Variants in SPTBN5 observed in about 807,000 individuals in gnomAD.
SPTBN5 encodes the protein spectrin beta, non-erythrocytic 5.
A neutral mutation model predicts 477.6 loss-of-function variants in SPTBN5; 513 were observed. That is an observed-to-expected ratio of 1.07 (90% CI 1.00 to 1.16). The LOEUF (loss-of-function observed/expected upper bound fraction) is 1.16. SPTBN5 is among the 50% of genes most tolerant of loss of function. SPTBN5 has a pLI of 0.00. For synonymous variants in SPTBN5, 2,169 were observed against 2,011.7 expected (o/e 1.08, Z -2.09); for missense variants, 5,062 against 4,731.8 (o/e 1.07, Z -2.05).
Position 41,871,896 on chromosome 15 carries a change from G to T in SPTBN5, c.5187C>A (p.Thr1729=). Residue 1729 remains threonine (T), a synonymous_variant, in exon 28 of 68, where the codon ACC becomes ACA. Transcript: ENST00000320955. The part of the protein sequence containing the change: ...AATRDRELEG[T]LRLHEFLREA... ...CCCTCAGGAACTCATGCAGCCTCAGGGTCCCCTCCAGTTCCCGGTCCCTGT... is the reference window on the plus strand; with the variant it reads ...CCCTCAGGAACTCATGCAGCCTCAGTGTCCCCTCCAGTTCCCGGTCCCTGT... The T allele has an allele frequency of 6.3e-7, 1 of 1,583,492 alleles. No homozygotes were observed. The highest frequency in any genetic ancestry group is 8.6e-7 in the Non-Finnish European group (1 of 1,164,156).
At chr15:41,880,417 C>T (rs1198929263) in intron 13 of SPTBN5, 105 bp from the exon 14 acceptor site, 12 of 1,297,232 alleles carry the variant, frequency 9.3e-6, no homozygotes, top group Non-Finnish European at 1.0e-5. Context: ...ACCAGCAGAG[C>T]CCAGGGTCAG....
At chr15:41,862,078 G>A in intron 44 of SPTBN5, 52 bp downstream of exon 44, 2 of 1,393,458 alleles carry the variant, frequency 1.4e-6, no homozygotes, top group East Asian at 5.0e-5. Flanking sequence ...GGAAGGGGAG[G>A]GCAGGGCGGA....
At chr15:41,880,464 C>T (rs935434853) in intron 13 of SPTBN5, among the ~76,000 whole-genome samples, 152 bp from the exon 14 acceptor site, 1 of 152,188 alleles carries the variant, frequency 6.6e-6, no homozygotes. Context: ...CTGGGCCCCA[C>T]ATCCTCTCTC....
Position 41,857,437 on chromosome 15 carries a change from C to T in SPTBN5, c.8422G>A (p.Val2808Ile). Residue 2808 changes from valine to isoleucine, a missense_variant, in exon 51 of 68, where the codon GTT (valine) becomes ATT (isoleucine). Physicochemically the swap from Val to Ile is conservative, Grantham distance 29 (BLOSUM62 3). Coordinates refer to ENST00000320955, the MANE Select transcript of SPTBN5 (RefSeq NM_016642.4). ...ELENWLEPIE[V>I]ELRAPTVGQA... is the part of the protein sequence containing the mutation. ...CCCACAGTGGGGGCTCTCAGCTCAACCTCGATGGGCTCCAGCCAGTTCTCC... is the reference window on the plus strand; with the variant it reads ...CCCACAGTGGGGGCTCTCAGCTCAATCTCGATGGGCTCCAGCCAGTTCTCC... 6.2e-7 allele frequency: 1 copy of T among 1,606,198 alleles called. No homozygotes were observed. The highest frequency in any genetic ancestry group is 8.5e-7 in the Non-Finnish European group (1 of 1,176,806).
chr15:41,855,660 G>A lies in SPTBN5; in HGVS notation c.9107C>T (p.Ala3036Val), dbSNP rs769800223. ...GGTGGCCTCCAGCCGCCGCAGAAGG[G>A]CCTGTGTGGCTTCAGCACTGTGGCC... Reference protein sequence around the residue: ...DMGHSAEATQALLRRLEATKR... With the variant: ...DMGHSAEATQVLLRRLEATKR... The change falls in exon 54 of 68, where the codon GCC becomes GTC. Residue 3036 changes from alanine (A) to valine (V), a missense_variant. Coordinates refer to ENST00000320955, the MANE Select transcript of SPTBN5 (RefSeq NM_016642.4). The A allele has an allele frequency of 6.2e-7, 1 of 1,607,274 alleles. No individual in the cohort carries two copies. The highest frequency in any genetic ancestry group is 2.2e-5 in the East Asian group (1 of 44,744).
rs112544917 is a variant in SPTBN5, at chr15:41,893,254, G to A, written c.216+28C>T. ...AGAGCTGGGGGCCTGGTATGGGTGG[G>A]CTGTGGGTCACAGCTGGCTATACTC... On this transcript the variant is annotated intron_variant, in intron 2 of 67. Transcript: ENST00000320955. 3.5e-4 allele frequency: 561 copies of A among 1,613,378 alleles called. 6 individuals are homozygous for A. In the African/African-American group the frequency reaches 6.8e-3, roughly 19 times the overall value.
intron 56 of SPTBN5, among the ~76,000 whole-genome samples, chr15:41,854,565 C>G (rs1456015275): frequency 2.0e-5 from 3 of 151,898 alleles, no homozygotes; most frequent in Non-Finnish European, 4.4e-5. Context: ...CGGGTCAGCT[C>G]AGGAGGCAGC....
rs1224121729 is a variant in SPTBN5 at position 41,887,277 on chromosome 15, G to A, written c.824C>T (p.Ser275Phe). 1 of 1,551,390 alleles carries A rather than the reference G, an allele frequency of 6.4e-7. No homozygotes were observed. Among genetic ancestry groups the A allele is most frequent in the South Asian group, 1.2e-5 (1 of 84,066 alleles). The change falls in exon 6 of 68, where the codon TCC (serine) becomes TTC (phenylalanine). Residue 275 changes from serine (S) to phenylalanine (F), a missense_variant. By Grantham distance (155) the Ser-to-Phe change is radical. Transcript: ENST00000320955. ...PDERSIMTYV[S>F]LYYHYCSRLH... ...GCGGGAGCAGTAGTGGTAGTAGAGG[G>A]AGACGTAGGTCATGATAGAGCGCTC...
rs763691619 is a variant in SPTBN5, at chr15:41,855,518, C to T, written c.9218+31G>A. On this transcript the variant is annotated intron_variant, in intron 54 of 67. Coordinates refer to ENST00000320955, the MANE Select transcript of SPTBN5 (RefSeq NM_016642.4). ...CATCTCTGTAGGGGGCTTCTCTCTG[C>T]TCCTTCGCGGATGGTGTGGCTTCCG... 3.7e-6 allele frequency: 6 copies of T among 1,602,704 alleles called. No homozygotes were observed. The South Asian group carries it at 5.5e-5, about 15-fold the overall frequency.
At position 41,893,278 on chromosome 15, in the gene SPTBN5, T is replaced by G; in HGVS notation, c.216+4A>C. Reference sequence around the variant, plus strand: ...GGCTGTGGGTCACAGCTGGCTATACTCACCTGGCCGCACTGGAAGACGTTA... The same window carrying G: ...GGCTGTGGGTCACAGCTGGCTATACGCACCTGGCCGCACTGGAAGACGTTA... On this transcript the variant is annotated splice_donor_region_variant and intron_variant, in intron 2 of 67. Transcript: ENST00000320955. 1 of 1,613,902 alleles carries G rather than the reference T, an allele frequency of 6.2e-7. No individual in the cohort carries two copies. The highest frequency in any genetic ancestry group is 1.1e-5 in the South Asian group (1 of 91,080).
Position 41,886,135 on chromosome 15 carries a change from G to A in SPTBN5, c.1120C>T (p.Gln374Ter), listed in dbSNP as rs762585611. Residue 374 changes from glutamine (Q) to a stop codon, truncating the protein, a stop_gained, in exon 7 of 68, where the codon CAG becomes TAG. Transcript: ENST00000320955. LOFTEE classifies it high-confidence loss of function. Reference protein sequence around the residue: ...GAAEALLFRLQTALQAQNRRP... With the variant: ...GAAEALLFRL The stretch of plus-strand genomic sequence containing the variant: ...CGGTTCTGGGCTTGGAGTGCTGTCT[G>A]TAGCCGGAAGAGCAGGGCCTCTGCG... The A allele has an allele frequency of 2.5e-5, 40 of 1,611,458 alleles. No individual in the cohort carries two copies. The highest frequency in any genetic ancestry group is 3.1e-5 in the Non-Finnish European group (37 of 1,179,020).
intron 5 of SPTBN5, 21 bp from the exon 6 acceptor site, chr15:41,887,462 G>A (rs1198412960): frequency 6.5e-7 from 1 of 1,531,394 alleles, no homozygotes; most frequent in Non-Finnish European, 8.8e-7. Flanking sequence ...AGTGAGAAGG[G>A]CTCTTCACCA....
In SPTBN5 at chr15:41,883,221, G is replaced by A; in HGVS notation, c.1667C>T (p.Ala556Val). The A allele has an allele frequency of 6.2e-7, 1 of 1,609,424 alleles. No homozygotes were observed. The highest frequency in any genetic ancestry group is 8.5e-7 in the Non-Finnish European group (1 of 1,178,174). ...SHQLEELQEP[A>V]RSTACGQQLA... ...CTGCTGCCCACAGGCGGTGGACCTGGCCGGCTCCTGGCCAGAGATGATGGT... is the reference window on the plus strand; with the variant it reads ...CTGCTGCCCACAGGCGGTGGACCTGACCGGCTCCTGGCCAGAGATGATGGT... The change falls in exon 9 of 68, where the codon GCC becomes GTC. Residue 556 changes from alanine (A) to valine (V), a missense_variant. Ala to Val is a moderately conservative substitution (Grantham distance 64, BLOSUM62 0). Coordinates refer to ENST00000320955, the MANE Select transcript of SPTBN5 (RefSeq NM_016642.4).
At chr15:41,867,242 GGC>G in intron 35 of SPTBN5, 116 bp from the exon 36 acceptor site, 1 of 1,215,094 alleles carries the variant, frequency 8.2e-7, no homozygotes, top group Non-Finnish European at 1.1e-6. Context: ...AGCCCCACAT[GGC>G]TGAGGGGTAT....
intron 12 of SPTBN5, among the ~76,000 whole-genome samples, chr15:41,881,516 T>G (rs540853256): frequency 6.6e-6 from 1 of 152,244 alleles, no homozygotes; most frequent in South Asian, 2.1e-4. Context: ...TTTAAAGAAC[T>G]TTGGGGGCTC....
chr15:41,889,118 C>T (rs776754649), intron 4 of SPTBN5, among the ~76,000 whole-genome samples: 25 of 152,202 alleles, frequency 1.6e-4, no homozygotes, highest in Non-Finnish European at 3.1e-4. Context: ...CTGCAGGGGA[C>T]ACCTGAAACT....
rs1364200249 is a variant in SPTBN5 at position 41,862,654 on chromosome 15, C to T, written c.7270G>A (p.Glu2424Lys). 6.4e-7 allele frequency: 1 copy of T among 1,552,414 alleles called. No individual in the cohort carries two copies. The highest frequency in any genetic ancestry group is 2.4e-5 in the East Asian group (1 of 41,790). ...TGGCAGAGGCGGCCCACTTCACGCT[C>T]TAGGGACTGCGGGGGAAGCCGGGGT... ...HPIQAQVESL[E>K]REVGRLCQRS... The change falls in exon 43 of 68, where the codon GAG becomes AAG. Residue 2424 changes from glutamate to lysine, a missense_variant. Coordinates refer to ENST00000320955, the MANE Select transcript of SPTBN5 (RefSeq NM_016642.4).
At position 41,857,612 on chromosome 15, in the gene SPTBN5, G is replaced by A. The variant is rs756518292; in HGVS notation, c.8325C>T (p.Asn2775=). The change falls in exon 50 of 68, where the codon AAC becomes AAT. Residue 2775 remains asparagine, a synonymous_variant. Transcript: ENST00000320955. Reference sequence around the variant, plus strand: ...GGAGCTTGGCCACCTTCTTCTGGGAGTTGTCTTGCAGCTCACCCCAGAGTG... The same window carrying A: ...GGAGCTTGGCCACCTTCTTCTGGGAATTGTCTTGCAGCTCACCCCAGAGTG... ...LGALWGELQD[N]SQKKVAKLQK... The A allele has an allele frequency of 3.1e-6, 5 of 1,607,886 alleles. No homozygotes were observed. The South Asian group carries it at 5.6e-5, about 18-fold the overall frequency.
In SPTBN5 at chr15:41,887,931, T is replaced by C; in HGVS notation, c.656A>G (p.His219Arg). 2 of 1,609,258 alleles carry C rather than the reference T, an allele frequency of 1.2e-6. No homozygotes were observed. The highest frequency in any genetic ancestry group is 4.5e-5 in the East Asian group (2 of 44,800). The part of the protein sequence containing the change: ...GLGFNALIHA[H>R]RPDLLDYGSL... The stretch of plus-strand genomic sequence containing the variant: ...CCTGACAAGGGTGGGGTCACACCTG[T>C]GGGCATGGATGAGGGCATTGAAGCC... The change falls in exon 5 of 68, where the codon CAC (histidine) becomes CGC (arginine). Residue 219 changes from histidine to arginine, a missense_variant. Physicochemically the swap from His to Arg is conservative, Grantham distance 29. Transcript: ENST00000320955.
Sources: gnomAD v4.1 joint callset for allele counts (sites outside exome capture counted in the v4.1 genomes callset) on GRCh38, gnomAD v4.1.1 for gene constraint, MANE v1.5 for transcripts, NCBI Gene and HGNC (gene_info 2026-07-23, HGNC 2026-07-21) for gene names.